Variants in ADAMTS17 observed in about 807,000 individuals in gnomAD.
ADAMTS17 encodes A disintegrin and metalloproteinase with thrombospondin motifs 17.
In ADAMTS17, 113 loss-of-function variants were observed where a neutral mutation model predicts 141.5. That is an observed-to-expected ratio of 0.80 (90% CI 0.69 to 0.93). The LOEUF (loss-of-function observed/expected upper bound fraction) is 0.93. Among genes scored for constraint, ADAMTS17 ranks in the 40% least tolerant of loss-of-function variants. The pLI is 0.00. For missense variants in ADAMTS17, 1,659 were observed against 1,517.9 expected (o/e 1.09, Z -1.54); for synonymous variants, 768 against 630.6 (o/e 1.22, Z -3.27).
intron 20 of ADAMTS17, among the ~76,000 whole-genome samples, chr15:99,977,158 C>T (rs955765825): frequency 1.4e-4 from 21 of 151,570 alleles, no homozygotes; most frequent in African/African-American, 4.8e-4. Flanking sequence ...TTCTTGCATA[C>T]CAGAGTCACG....
At chr15:100,151,326 A>G (rs552187299) in intron 10 of ADAMTS17, among the ~76,000 whole-genome samples, 41 of 152,124 alleles carry the variant, frequency 2.7e-4, no homozygotes, top group Non-Finnish European at 5.4e-4. Context: ...CTTTTTAGCA[A>G]CCCCAAAGGT....
intron 3 of ADAMTS17, among the ~76,000 whole-genome samples, chr15:100,295,480 G>A (rs781394671): frequency 6.6e-6 from 1 of 152,076 alleles, no homozygotes; most frequent in Non-Finnish European, 1.5e-5. Context: ...TCCAGCTCTT[G>A]GGCTATTACA....
At chr15:100,160,934 G>C (rs1423873293) in intron 8 of ADAMTS17, among the ~76,000 whole-genome samples, 1 of 152,206 alleles carries the variant, frequency 6.6e-6, no homozygotes, top group African/African-American at 2.4e-5. Flanking sequence ...TACTTTGACT[G>C]AGAAACTCAT....
At chr15:100,179,490 AG>A (rs1567309476) in intron 8 of ADAMTS17, among the ~76,000 whole-genome samples, 2 of 152,184 alleles carry the variant, frequency 1.3e-5, no homozygotes, top group Non-Finnish European at 2.9e-5. Context: ...TATTGTGACT[AG>A]TGCTACAATA....
intron 18 of ADAMTS17, among the ~76,000 whole-genome samples, chr15:100,013,115 A>G (rs183260783): frequency 6.6e-6 from 1 of 152,198 alleles, no homozygotes; most frequent in Non-Finnish European, 1.5e-5. Context: ...TTGGTTAGGT[A>G]TATTCCTAAG....
intron 14 of ADAMTS17, among the ~76,000 whole-genome samples, chr15:100,098,767 G>T (rs137862253): frequency 1.3e-5 from 2 of 152,138 alleles, no homozygotes; most frequent in African/African-American, 4.8e-5. Context: ...GTGAGACCAC[G>T]TGTCTGTTGC....
intron 7 of ADAMTS17, among the ~76,000 whole-genome samples, chr15:100,206,638 T>A (rs753593228): frequency 7.2e-5 from 11 of 152,020 alleles, no homozygotes; most frequent in Non-Finnish European, 1.6e-4. Context: ...GGGTTTTAGG[T>A]GGGGGTGAGG....
At chr15:100,292,087 CATGAGAG>C (rs2044645668) in intron 3 of ADAMTS17, among the ~76,000 whole-genome samples, 1 of 102,864 alleles carries the variant, frequency 9.7e-6, no homozygotes, top group Non-Finnish European at 2.0e-5. Flanking sequence ...CGTGGGGAGT[CATGAGAG>C]ACGCTCAGCC....
chr15:100,298,081 C>T (rs558335223), intron 3 of ADAMTS17, among the ~76,000 whole-genome samples: 1 of 151,770 alleles, frequency 6.6e-6, no homozygotes, highest in Non-Finnish European at 1.5e-5. Context: ...CAGATGCAGG[C>T]GAAAACCAGA....
At chr15:100,225,080 C>T (rs189827146) in intron 7 of ADAMTS17, among the ~76,000 whole-genome samples, 14 of 152,294 alleles carry the variant, frequency 9.2e-5, no homozygotes, top group Admixed American at 2.0e-4. Flanking sequence ...GGGGAACCTG[C>T]CTTTGTAGGC....
At chr15:100,176,153 A>C (rs1316185748) in intron 8 of ADAMTS17, among the ~76,000 whole-genome samples, 3 of 152,188 alleles carry the variant, frequency 2.0e-5, no homozygotes, top group Non-Finnish European at 2.9e-5. Flanking sequence ...TCCAATGGGA[A>C]AGGAGGCCTA....
intron 8 of ADAMTS17, among the ~76,000 whole-genome samples, chr15:100,166,446 A>ACC (rs542042030): frequency 6.6e-6 from 1 of 152,222 alleles, no homozygotes; most frequent in Admixed American, 6.5e-5. Context: ...CAACATGGGC[A>ACC]CCTTTGCCCT....
At position 100,132,019 on chromosome 15, in the gene ADAMTS17, C is replaced by T. The variant is rs1166724421; in HGVS notation, c.1709G>A (p.Cys570Tyr). The T allele has an allele frequency of 1.9e-6, 3 of 1,614,238 alleles. No individual in the cohort carries two copies. The South Asian group carries it at 3.3e-5, about 18-fold the overall frequency. ...GTGARFRQRK[C>Y]DNPPPGPGGT... is the part of the protein sequence containing the mutation. ...TCAGGGGACTTACGGGGGGTTGTCA[C>T]ATTTCCTCTGCCTGAAGCGGGCTCC... Residue 570 changes from cysteine (C) to tyrosine (Y), a missense_variant, in exon 12 of 22, where the codon TGT becomes TAT. Physicochemically the swap from Cys to Tyr is radical, Grantham distance 194. Coordinates refer to ENST00000268070, the MANE Select transcript of ADAMTS17 (RefSeq NM_139057.4).
intron 8 of ADAMTS17, among the ~76,000 whole-genome samples, chr15:100,169,781 C>A (rs2040090429): frequency 6.6e-6 from 1 of 152,178 alleles, no homozygotes; most frequent in Non-Finnish European, 1.5e-5. Flanking sequence ...AAGCCGGGGG[C>A]ATCTGGTCAC....
intron 7 of ADAMTS17, among the ~76,000 whole-genome samples, chr15:100,242,256 C>T (rs983298927): frequency 9.2e-5 from 14 of 152,172 alleles, no homozygotes; most frequent in African/African-American, 2.9e-4. Context: ...GTGAGTCCAG[C>T]GGCCGAGCAG....
chr15:100,105,299 C>G (rs2036346816), intron 14 of ADAMTS17, among the ~76,000 whole-genome samples: 1 of 152,198 alleles, frequency 6.6e-6, no homozygotes, highest in Non-Finnish European at 1.5e-5. Flanking sequence ...CACCATCGAG[C>G]ATCATGAAAG....
chr15:100,274,769 C>T (rs1222464698), intron 4 of ADAMTS17, among the ~76,000 whole-genome samples: 1 of 151,878 alleles, frequency 6.6e-6, no homozygotes, highest in African/African-American at 2.4e-5. Context: ...TTACTGACTT[C>T]TTTTGTGTTT....
chr15:100,140,659 A>T (rs1403438786), intron 10 of ADAMTS17, among the ~76,000 whole-genome samples: 2 of 151,962 alleles, frequency 1.3e-5, no homozygotes, highest in Non-Finnish European at 2.9e-5. Flanking sequence ...TGTGAGACAG[A>T]CACTTCCTGT....
chr15:100,108,915 AC>A, intron 14 of ADAMTS17, 73 bp downstream of exon 14: 2 of 1,607,662 alleles, frequency 1.2e-6, no homozygotes, highest in Non-Finnish European at 1.7e-6. Flanking sequence ...CCTCTGCTCT[AC>A]CCCACTCCCT....
Sources: allele counts gnomAD v4.1 joint callset (sites outside exome capture counted in the v4.1 genomes callset), GRCh38; gene constraint gnomAD v4.1.1; transcripts MANE v1.5; gene names NCBI Gene and HGNC (gene_info 2026-07-23, HGNC 2026-07-21).